TEX11: variants seen among roughly 807,000 people sequenced by gnomAD.
The protein encoded by TEX11 is testis-expressed protein 11.
A neutral mutation model predicts 84.4 loss-of-function variants in TEX11; 7 were observed. The ratio of observed to expected loss-of-function variants is 0.08; its 90% CI spans 0.05 to 0.16. The LOEUF is 0.16. TEX11 is among the 10% of genes least tolerant of loss of function. The pLI, the probability that TEX11 is intolerant of heterozygous loss-of-function variation, is 1.00. For missense variants in TEX11, 551 were observed against 660.5 expected (o/e 0.83, Z 1.82); for synonymous variants, 264 against 222.8 (o/e 1.18, Z -1.64).
chrX:70,624,011 A>G lies in TEX11; in HGVS notation c.1695-5T>C. 2 of 1,197,844 alleles carry G rather than the reference A, an allele frequency of 1.7e-6. No homozygotes were observed. Among genetic ancestry groups the G allele is most frequent in the South Asian group, 3.7e-5 (2 of 54,287 alleles). On this transcript the variant is annotated splice_polypyrimidine_tract_variant and splice_region_variant and intron_variant, in intron 19 of 29. Coordinates refer to ENST00000374333, the MANE Select transcript of TEX11 (RefSeq NM_031276.3). ...AGAAGAAAACGAAGCAAACACCTGT[A>G]TGACAAAGTAATATGGAAAGTGATT...
Position 70,529,118 on chromosome X carries a change from C to T in TEX11, c.2755G>A (p.Gly919Ser), listed in dbSNP as rs1324267120. The change falls in exon 30 of 30, where the codon GGC (glycine) becomes AGC (serine). Residue 919 changes from glycine to serine, a missense_variant. Transcript: ENST00000374333. ...GCCTAATCTGACTTGCTCCAGTAGC[C>T]ATGTTCATGAAAAACTGGGCCCTTG... Reference protein sequence around the residue: ...NNKGPVFHEHGYWSKSD With the variant: ...NNKGPVFHEHSYWSKSD 3 of 1,208,519 alleles carry T rather than the reference C, an allele frequency of 2.5e-6. No homozygotes were observed. The highest frequency in any genetic ancestry group is 3.4e-6 in the Non-Finnish European group (3 of 894,132).
rs752600868 is a variant in TEX11 at position 70,816,652 on chromosome X, C to T, written c.607-9862G>A. Among the ~76,000 whole-genome samples the T allele has an allele frequency of 3.7e-5, 4 of 108,754 alleles. No homozygotes were observed. The South Asian group carries it at 1.6e-3, about 44-fold the overall frequency. 94.4% of individuals were successfully genotyped at this position (108,754 alleles called of 115,157 possible). A position where few individuals can be genotyped will look rare whatever the true frequency, so the allele number is the denominator to read the frequency against. On this transcript the variant is annotated intron_variant, in intron 8 of 29. Transcript: ENST00000374333. Reference sequence around the variant, plus strand: ...GCTTGAACCTGGGAGGCGGCAGTTGCAGTGAGCCAAGATCGTGCCACTGCA... The same window carrying T: ...GCTTGAACCTGGGAGGCGGCAGTTGTAGTGAGCCAAGATCGTGCCACTGCA...
At chrX:70,718,151 C>T (rs2090523944) in intron 13 of TEX11, among the ~76,000 whole-genome samples, 1 of 111,987 alleles carries the variant, frequency 8.9e-6, no homozygotes, top group South Asian at 3.7e-4. Context: ...CTACTACATA[C>T]TGATATTCCA....
rs2088221591 is a variant in TEX11 at position 70,552,061 on chromosome X, A to G, written c.2520+65T>C. On this transcript the variant is annotated intron_variant, in intron 28 of 29. Coordinates refer to ENST00000374333, the MANE Select transcript of TEX11 (RefSeq NM_031276.3). ...CAGAAAGCATTATTGTATATAATTT[A>G]TAGTACACAAGACAGTTCAGTTCTT... 1.4e-5 allele frequency: 15 copies of G among 1,074,203 alleles called. No individual in the cohort carries two copies. The South Asian group carries it at 3.3e-4, about 23-fold the overall frequency. The allele number at this position is 1,074,203 out of a possible 1,213,427, so 88.5% of individuals were successfully genotyped here.
chrX:70,866,076 C>G (rs914722162), intron 4 of TEX11, among the ~76,000 whole-genome samples: 3 of 110,834 alleles, frequency 2.7e-5, no homozygotes, highest in Non-Finnish European at 5.7e-5. Flanking sequence ...CACAAAAAAC[C>G]CTTCAAAAAA....
At chrX:70,656,284 C>T (rs2089865352) in intron 16 of TEX11, among the ~76,000 whole-genome samples, 1 of 108,497 alleles carries the variant, frequency 9.2e-6, no homozygotes, top group African/African-American at 3.4e-5. Context: ...TTAAATTAGC[C>T]AGGCATGGTG....
In TEX11 at chrX:70,766,165, A is replaced by G. The variant is rs776572676; in HGVS notation, c.693-21946T>C. Among the ~76,000 whole-genome samples the G allele has an allele frequency of 2.7e-5, 3 of 112,024 alleles. No homozygotes were observed. In the East Asian group the frequency reaches 8.4e-4, roughly 31 times the overall value. The stretch of plus-strand genomic sequence containing the variant: ...GGTGTCTCACACCTGTAATCCCAGC[A>G]CTTTGGGAGGCTGAGGAAGGCAGAT... On this transcript the variant is annotated intron_variant, in intron 9 of 29. Transcript: ENST00000374333.
chrX:70,520,744 G>T, the TEX11 span, among the ~76,000 whole-genome samples: 4 of 112,270 alleles, frequency 3.6e-5, no homozygotes, highest in Non-Finnish European at 5.6e-5. Context: ...CCCCAGAGGT[G>T]GAGTCTACAG....
intron 20 of TEX11, among the ~76,000 whole-genome samples, chrX:70,611,091 A>G (rs1489500129): frequency 8.9e-6 from 1 of 111,910 alleles, no homozygotes; most frequent in Non-Finnish European, 1.9e-5. Context: ...ATCATTTTAC[A>G]GATGAAGAAA....
At chrX:70,712,015 C>G (rs2090440094) in intron 13 of TEX11, among the ~76,000 whole-genome samples, 1 of 111,576 alleles carries the variant, frequency 9.0e-6, no homozygotes, top group South Asian at 3.8e-4. Context: ...TATGGCTAGC[C>G]AGTTTTCCCA....
chrX:70,832,845 G>A (rs1350633448), intron 8 of TEX11, among the ~76,000 whole-genome samples: 2 of 112,158 alleles, frequency 1.8e-5, no homozygotes, highest in Non-Finnish European at 3.8e-5. Flanking sequence ...GCAGTAAGAT[G>A]ATTAACTGCT....
Position 70,873,614 on chromosome X carries a change from T to A in TEX11, c.160-307A>T, listed in dbSNP as rs565690647. On this transcript the variant is annotated intron_variant, in intron 3 of 29. Coordinates refer to ENST00000374333, the MANE Select transcript of TEX11 (RefSeq NM_031276.3). Reference sequence around the variant, plus strand: ...ATCCATTTCAGTCTCACCAACAACATAAATGAAGCTTTCAGCAACCATTAC... The same window carrying A: ...ATCCATTTCAGTCTCACCAACAACAAAAATGAAGCTTTCAGCAACCATTAC... Among the ~76,000 whole-genome samples the A allele has an allele frequency of 3.6e-5, 4 of 112,258 alleles. No individual in the cohort carries two copies. The South Asian group carries it at 1.1e-3, about 31-fold the overall frequency.
chrX:70,773,076 T>C (rs2090981137), intron 9 of TEX11, among the ~76,000 whole-genome samples: 1 of 109,581 alleles, frequency 9.1e-6, no homozygotes, highest in South Asian at 3.9e-4. Context: ...AAAAAGGATA[T>C]AGAAAGAGAA....
intron 11 of TEX11, among the ~76,000 whole-genome samples, chrX:70,740,437 T>C (rs2090725815): frequency 2.7e-5 from 3 of 111,571 alleles, no homozygotes; most frequent in South Asian, 7.6e-4. Context: ...TCCCCACCTT[T>C]TTTATTTTTA....
downstream of TEX11, chrX:70,528,839 A>G (rs1429488298): frequency 2.9e-6 from 1 of 349,194 alleles, no homozygotes; most frequent in East Asian, 4.6e-5. Context: ...TTTTGTTCAG[A>G]TGGGGCATAA....
chrX:70,561,388 CTTTT>C (rs34112390), intron 25 of TEX11, among the ~76,000 whole-genome samples: 1 of 78,951 alleles, frequency 1.3e-5, no homozygotes, highest in Non-Finnish European at 2.3e-5. Context: ...TATCAATTTA[CTTTT>C]TTTTTTTTTT....
intron 24 of TEX11, among the ~76,000 whole-genome samples, chrX:70,602,662 C>T (rs2089137948): frequency 9.2e-6 from 1 of 108,194 alleles, no homozygotes; most frequent in African/African-American, 3.4e-5. Context: ...TGCCCTCTCT[C>T]ACCACTCCTA....
chrX:70,796,152 T>C (rs1289645989), intron 9 of TEX11, among the ~76,000 whole-genome samples: 1 of 111,330 alleles, frequency 9.0e-6, no homozygotes, highest in Non-Finnish European at 1.9e-5. Context: ...TCTAACAAAG[T>C]GATTGAAATA....
chrX:70,712,704 G>T (rs1232107832), intron 13 of TEX11, among the ~76,000 whole-genome samples: 1 of 110,800 alleles, frequency 9.0e-6, no homozygotes, highest in African/African-American at 3.3e-5. Context: ...AGATGATGGG[G>T]TTTTCTAGAT....
Sources: allele counts gnomAD v4.1 joint callset (sites outside exome capture counted in the v4.1 genomes callset), GRCh38; gene constraint gnomAD v4.1.1; transcripts MANE v1.5; gene names NCBI Gene and HGNC (gene_info 2026-07-23, HGNC 2026-07-21).